Variants in DOK6 observed in about 807,000 individuals in gnomAD.
The protein encoded by DOK6 is downstream of tyrosine kinase 6.
Under a neutral mutation model 44.0 loss-of-function variants are expected in DOK6, and 22 were observed. The observed-to-expected ratio is 0.50, with a 90% confidence interval of 0.36 to 0.71. DOK6 has a LOEUF of 0.71. Ranked by LOEUF, DOK6 falls within the 30% of genes least tolerant of loss-of-function variation. DOK6 has a pLI of 0.00. For synonymous variants in DOK6, 166 were observed against 145.5 expected (o/e 1.14, Z -1.01); for missense variants, 340 against 416.4 (o/e 0.82, Z 1.60).
chr18:69,500,201 C>T (rs1473289490), intron 1 of DOK6, among the ~76,000 whole-genome samples: 1 of 152,128 alleles, frequency 6.6e-6, no homozygotes, highest in African/African-American at 2.4e-5. Flanking sequence ...AACATACATA[C>T]TGTGGGCTTC....
Position 69,629,785 on chromosome 18 carries a change from T to TTTTG in DOK6, c.289+30311_289+30314dup, listed in dbSNP as rs147380862. Among the ~76,000 whole-genome samples, 469 of 151,854 alleles carry TTTTG rather than the reference T, an allele frequency of 3.1e-3. 2 individuals are homozygous for TTTTG. Among genetic ancestry groups the TTTTG allele is most frequent in the African/African-American group, 8.0e-3 (333 of 41,408 alleles). On this transcript the variant is annotated intron_variant, in intron 3 of 7. Transcript: ENST00000382713. The stretch of plus-strand genomic sequence containing the variant: ...GCCCTATGGGTTTTTGTTTGTTTGT[T>TTTTG]TTTGTTTGTTTGTTTGTTTGTTTGT...
intron 1 of DOK6, among the ~76,000 whole-genome samples, chr18:69,540,927 G>T (rs1982251629): frequency 6.6e-6 from 1 of 152,060 alleles, no homozygotes; most frequent in Admixed American, 6.6e-5. Flanking sequence ...TTCTGTTAAA[G>T]AATCTTTGTT....
chr18:69,427,222 C>G (rs1978664697), intron 1 of DOK6, among the ~76,000 whole-genome samples: 1 of 152,072 alleles, frequency 6.6e-6, no homozygotes, highest in South Asian at 2.1e-4. Flanking sequence ...GGCTGCATAG[C>G]ACTCCAACAA....
intron 7 of DOK6, among the ~76,000 whole-genome samples, chr18:69,827,928 C>T: frequency 6.6e-6 from 1 of 151,752 alleles, no homozygotes; most frequent in East Asian, 1.9e-4. Flanking sequence ...CTTAATATAT[C>T]GTTTTAAGAA....
intron 1 of DOK6, among the ~76,000 whole-genome samples, chr18:69,514,727 G>T (rs1490299642): frequency 1.4e-5 from 2 of 145,620 alleles, no homozygotes; most frequent in African/African-American, 5.0e-5. Context: ...TTTTTTTTAA[G>T]AAACTATTTT....
chr18:69,464,525 G>T (rs1393277462), intron 1 of DOK6, among the ~76,000 whole-genome samples: 1 of 152,168 alleles, frequency 6.6e-6, no homozygotes, highest in African/African-American at 2.4e-5. Flanking sequence ...ATACACAATG[G>T]TATTTTTATT....
intron 3 of DOK6, among the ~76,000 whole-genome samples, chr18:69,667,201 T>C (rs1479795850): frequency 2.0e-5 from 3 of 152,134 alleles, no homozygotes; most frequent in African/African-American, 7.2e-5. Context: ...CCTGCACACA[T>C]CCTGATATTC....
rs1407852802 is a variant in DOK6 at position 69,655,778 on chromosome 18, A to C, written c.290-21956A>C. Among the ~76,000 whole-genome samples, 183 of 143,128 alleles carry C rather than the reference A, an allele frequency of 1.3e-3. 1 individual carries two copies. The highest frequency in any genetic ancestry group is 2.1e-3 in the Non-Finnish European group (141 of 67,102). The allele number at this position is 143,128 out of a possible 152,430, so 93.9% of individuals were successfully genotyped here. On this transcript the variant is annotated intron_variant, in intron 3 of 7. Coordinates refer to ENST00000382713, the MANE Select transcript of DOK6 (RefSeq NM_152721.6). ...CCACCCCTCAAAAAAAAAAAAAAAA[A>C]AAAAACAAAAGAACAAAGCATAAAA...
intron 1 of DOK6, among the ~76,000 whole-genome samples, chr18:69,413,548 AT>A (rs1978314983): frequency 6.6e-6 from 1 of 152,128 alleles, no homozygotes; most frequent in African/African-American, 2.4e-5. Flanking sequence ...TACTGGAGTA[AT>A]TGAACATCCA....
chr18:69,558,671 C>G (rs1433271096), intron 1 of DOK6, among the ~76,000 whole-genome samples: 2 of 152,018 alleles, frequency 1.3e-5, no homozygotes, highest in African/African-American at 4.8e-5. Flanking sequence ...GTACAATATA[C>G]CTAACCATTA....
At chr18:69,760,724 G>T in intron 7 of DOK6, among the ~76,000 whole-genome samples, 1 of 139,806 alleles carries the variant, frequency 7.2e-6, no homozygotes, top group African/African-American at 2.6e-5. Context: ...CTTTCCCGGG[G>T]GCCGGTTGTG....
At chr18:69,651,482 CTTTTTTTTTTTT>C (rs1168500882) in intron 3 of DOK6, among the ~76,000 whole-genome samples, 3 of 116,934 alleles carry the variant, frequency 2.6e-5, no homozygotes, top group African/African-American at 3.4e-5. Context: ...CCCCCCGCTC[CTTTTTTTTTTTT>C]TTTTTTTTTT....
At chr18:69,608,845 G>A (rs1020436692) in intron 3 of DOK6, among the ~76,000 whole-genome samples, 1 of 151,312 alleles carries the variant, frequency 6.6e-6, no homozygotes, top group Non-Finnish European at 1.5e-5. Context: ...AGCTACTCGG[G>A]AGGCTGAGGC....
chr18:69,734,468 T>TAA (rs71178810), intron 5 of DOK6, among the ~76,000 whole-genome samples: 18,591 of 139,310 alleles, frequency 0.13, 1,172 homozygotes, highest in Middle Eastern at 0.19. Context: ...GTTAACAGAA[T>TAA]AAGTGTTAAT....
At chr18:69,476,108 G>A (rs987370590) in intron 1 of DOK6, among the ~76,000 whole-genome samples, 2 of 138,686 alleles carry the variant, frequency 1.4e-5, no homozygotes, top group African/African-American at 2.9e-5. Flanking sequence ...AGGCCTGGGG[G>A]TGGTGGAGGT....
intron 7 of DOK6, among the ~76,000 whole-genome samples, chr18:69,797,709 A>G (rs956236476): frequency 6.6e-6 from 1 of 151,976 alleles, no homozygotes; most frequent in Non-Finnish European, 1.5e-5. Context: ...GATGTTACAG[A>G]TAACATTGCA....
In DOK6 at chr18:69,842,464, C is replaced by T. The variant is rs1051172650; in HGVS notation, c.*1081C>T. The T allele has an allele frequency of 6.6e-6, 1 of 152,238 alleles. No individual in the cohort carries two copies. The highest frequency in any genetic ancestry group is 3.4e-3 in the Middle Eastern group (1 of 294). The allele number at this position is 152,238 out of a possible 1,614,324, so 9.4% of individuals were successfully genotyped here. On this transcript the variant is annotated 3_prime_UTR_variant, in exon 8 of 8. Transcript: ENST00000382713. ...AGAAAGAATACACCCATAAAGAACT[C>T]AGCTATTTTGCAGTAAAGAGAAGAA...
intron 1 of DOK6, among the ~76,000 whole-genome samples, chr18:69,527,893 T>TG (rs1230450957): frequency 6.6e-6 from 1 of 152,084 alleles, no homozygotes; most frequent in African/African-American, 2.4e-5. Context: ...CCGGGTGCGG[T>TG]GGCTCACACC....
At chr18:69,612,996 C>G (rs1159605769) in intron 3 of DOK6, among the ~76,000 whole-genome samples, 1 of 151,812 alleles carries the variant, frequency 6.6e-6, no homozygotes, top group East Asian at 1.9e-4. Flanking sequence ...ATCCTCCCAC[C>G]TGAAGCTGGG....
Sources: allele counts gnomAD v4.1 joint callset (sites outside exome capture counted in the v4.1 genomes callset), GRCh38; gene constraint gnomAD v4.1.1; transcripts MANE v1.5; gene names NCBI Gene and HGNC (gene_info 2026-07-23, HGNC 2026-07-21).